Variants in LRFN5 observed in about 807,000 individuals in gnomAD.
The protein encoded by LRFN5 is leucine-rich repeat and fibronectin type-III domain-containing protein 5.
A neutral mutation model predicts 45.6 loss-of-function variants in LRFN5; 24 were observed. That is an observed-to-expected ratio of 0.53 (90% CI 0.38 to 0.74). LRFN5 has a LOEUF of 0.74. Among genes scored for constraint, LRFN5 ranks in the 30% least tolerant of loss-of-function variants. LRFN5 has a pLI of 0.00. For synonymous variants in LRFN5, 340 were observed against 313.8 expected, an observed-to-expected ratio of 1.08 and a Z score of -0.88; for missense variants, 776 against 861.5, an observed-to-expected ratio of 0.90 and a Z score of 1.24.
In LRFN5 at chr14:41,883,728, C is replaced by T. The variant is rs77878898; in HGVS notation, c.-20-2878C>T. 9.9e-3 allele frequency among the ~76,000 whole-genome samples: 1,509 copies of T among 152,148 alleles called. 6 individuals carry two copies. The highest frequency in any genetic ancestry group is 0.016 in the Non-Finnish European group (1,065 of 67,978). ...ATTGTAATCCGTCTTATTTCTATGC[C>T]TACATTTAAGATTATTTTTCCTTTG... On this transcript the variant is annotated intron_variant, in intron 2 of 5. Coordinates refer to ENST00000298119, the MANE Select transcript of LRFN5 (RefSeq NM_152447.5).
At chr14:41,734,257 C>T (rs1884310121) in intron 1 of LRFN5, among the ~76,000 whole-genome samples, 1 of 131,076 alleles carries the variant, frequency 7.6e-6, no homozygotes, top group South Asian at 2.6e-4. Flanking sequence ...GGTGATCTGC[C>T]ACCTCAGCCT....
At chr14:41,693,313 T>G (rs1038718044) in intron 1 of LRFN5, among the ~76,000 whole-genome samples, 2 of 152,132 alleles carry the variant, frequency 1.3e-5, no homozygotes, top group African/African-American at 2.4e-5. Flanking sequence ...GCATTGAAGT[T>G]ATAAATTGTT....
intron 2 of LRFN5, among the ~76,000 whole-genome samples, chr14:41,856,878 G>GTGTTAGCCAGGA (rs1889490300): frequency 1.4e-5 from 2 of 148,106 alleles, no homozygotes; most frequent in Non-Finnish European, 3.0e-5. Context: ...GGGTTTCACC[G>GTGTTAGCCAGGA]TGGTCTCGAT....
intron 1 of LRFN5, among the ~76,000 whole-genome samples, chr14:41,714,797 C>T (rs1018583600): frequency 6.6e-6 from 1 of 152,062 alleles, no homozygotes; most frequent in Non-Finnish European, 1.5e-5. Flanking sequence ...CCCAGCTACT[C>T]AGGAGGCTGA....
intron 1 of LRFN5, among the ~76,000 whole-genome samples, chr14:41,717,681 G>T (rs1005261787): frequency 1.4e-4 from 21 of 152,142 alleles, no homozygotes; most frequent in Non-Finnish European, 2.9e-4. Context: ...GGTTACACTA[G>T]TTTTTATCAT....
At chr14:41,830,821 A>C (rs2139032856) in intron 2 of LRFN5, among the ~76,000 whole-genome samples, 1 of 152,260 alleles carries the variant, frequency 6.6e-6, no homozygotes, top group South Asian at 2.1e-4. Context: ...GTTGGAAAGA[A>C]CTGGCCATGG....
intron 1 of LRFN5, among the ~76,000 whole-genome samples, chr14:41,615,291 T>C (rs1032613747): frequency 2.0e-5 from 3 of 152,124 alleles, no homozygotes; most frequent in African/African-American, 7.2e-5. Flanking sequence ...GAGCCAAAAC[T>C]CTGGCATCTT....
At chr14:41,700,464 A>G (rs1882794023) in intron 1 of LRFN5, 1 of 152,112 alleles carries the variant, frequency 6.6e-6, no homozygotes, top group South Asian at 2.1e-4. Flanking sequence ...TAGAGAGTGA[A>G]TATGATCATC....
intron 1 of LRFN5, among the ~76,000 whole-genome samples, chr14:41,764,119 A>T (rs1206054408): frequency 6.6e-6 from 1 of 152,186 alleles, no homozygotes. Flanking sequence ...TGACCAAAAT[A>T]TATGGACTAA....
At chr14:41,898,055 T>C (rs951239252) in intron 4 of LRFN5, among the ~76,000 whole-genome samples, 1 of 152,100 alleles carries the variant, frequency 6.6e-6, no homozygotes, top group Non-Finnish European at 1.5e-5. Flanking sequence ...TCTCCTATTA[T>C]TGATTTTATG....
At chr14:41,725,561 C>T (rs542299086) in intron 1 of LRFN5, among the ~76,000 whole-genome samples, 1 of 152,074 alleles carries the variant, frequency 6.6e-6, no homozygotes, top group South Asian at 2.1e-4. Context: ...GTTGTTGTAC[C>T]ATATTTTTGG....
chr14:41,801,285 A>G (rs1444436390), intron 2 of LRFN5, among the ~76,000 whole-genome samples: 1 of 152,158 alleles, frequency 6.6e-6, no homozygotes, highest in Non-Finnish European at 1.5e-5. Context: ...AAGTATATGT[A>G]TGTTTGTAAA....
rs141101364 is a variant in LRFN5, at chr14:41,734,419, T to C, written c.-196-32435T>C. On this transcript the variant is annotated intron_variant, in intron 1 of 5. Coordinates refer to ENST00000298119, the MANE Select transcript of LRFN5 (RefSeq NM_152447.5). Reference sequence around the variant, plus strand: ...ATGACATAATGACATCATTTTCTTTTGTATAGTTTTCAACTTAAAGTCTAT... The same window carrying C: ...ATGACATAATGACATCATTTTCTTTCGTATAGTTTTCAACTTAAAGTCTAT... Among the ~76,000 whole-genome samples, 916 of 145,524 alleles carry C rather than the reference T, an allele frequency of 6.3e-3. 43 individuals are homozygous for C. The highest frequency in any genetic ancestry group is 0.051 in the Admixed American group (727 of 14,190).
intron 1 of LRFN5, among the ~76,000 whole-genome samples, chr14:41,761,136 T>A (rs1407839638): frequency 6.6e-6 from 1 of 152,164 alleles, no homozygotes; most frequent in Admixed American, 6.5e-5. Flanking sequence ...GTTGTGTGCA[T>A]GTATGTAATA....
chr14:41,859,549 C>T (rs559249176), intron 2 of LRFN5, among the ~76,000 whole-genome samples: 88 of 152,280 alleles, frequency 5.8e-4, no homozygotes, highest in African/African-American at 2.0e-3. Flanking sequence ...TATTGTGTAA[C>T]CCAGAGGGGG....
chr14:41,678,832 TGAAA>T (rs1881755799), intron 1 of LRFN5, among the ~76,000 whole-genome samples: 1 of 152,152 alleles, frequency 6.6e-6, no homozygotes, highest in South Asian at 2.1e-4. Context: ...TTCATATTAC[TGAAA>T]GAGTCATTGG....
At chr14:41,706,539 A>T (rs1883075871) in intron 1 of LRFN5, among the ~76,000 whole-genome samples, 1 of 152,108 alleles carries the variant, frequency 6.6e-6, no homozygotes, top group Non-Finnish European at 1.5e-5. Context: ...TCTGACTTTT[A>T]AAAAGCCTAT....
chr14:41,861,433 G>T (rs1293573930), intron 2 of LRFN5, among the ~76,000 whole-genome samples: 1 of 152,076 alleles, frequency 6.6e-6, no homozygotes, highest in Non-Finnish European at 1.5e-5. Context: ...TATTCAACAG[G>T]TTAATACATT....
chr14:41,701,258 G>C (rs1882830073), intron 1 of LRFN5: 1 of 152,134 alleles, frequency 6.6e-6, no homozygotes, highest in Admixed American at 6.6e-5. Context: ...TGGACCATCA[G>C]AATACATAAC....
Sources: allele counts gnomAD v4.1 joint callset (sites outside exome capture counted in the v4.1 genomes callset), GRCh38; gene constraint gnomAD v4.1.1; transcripts MANE v1.5; gene names NCBI Gene and HGNC (gene_info 2026-07-23, HGNC 2026-07-21).